SYT10: variants seen among roughly 807,000 people sequenced by gnomAD.
The protein encoded by SYT10 is synaptotagmin 10, also known as synaptotagmin-10.
A neutral mutation model predicts 51.1 loss-of-function variants in SYT10; 31 were observed. The ratio of observed to expected loss-of-function variants is 0.61; its 90% CI spans 0.46 to 0.82. The LOEUF (loss-of-function observed/expected upper bound fraction) is 0.82, where lower values mean the gene tolerates loss of function less well. SYT10 is among the 40% of genes least tolerant of loss of function. SYT10 has a pLI of 0.00. For missense variants in SYT10, 603 were observed against 634.0 expected (o/e 0.95, Z 0.53); for synonymous variants, 233 against 225.9 (o/e 1.03, Z -0.28).
At position 33,385,286 on chromosome 12, in the gene SYT10, AC is replaced by A; in HGVS notation, c.1082del (p.Ser361IlefsTer2). The A allele has an allele frequency of 6.2e-7, 1 of 1,612,698 alleles. No individual in the cohort carries two copies. Among genetic ancestry groups the A allele is most frequent in the Non-Finnish European group, 8.5e-7 (1 of 1,179,402 alleles). The stretch of plus-strand genomic sequence containing the variant: ...AAAACATGATTTCACCCAGGTCTAT[AC>A]TTTCCTAGAAAGGCAATCGGCATGT... The part of the protein sequence containing the change: ...WKDIHCATTE[S>X]IDLGEIMFSL... On this transcript the variant is annotated frameshift_variant, in exon 4 of 7. Transcript: ENST00000228567. LOFTEE classifies it high-confidence loss of function.
intron 4 of SYT10, among the ~76,000 whole-genome samples, chr12:33,384,818 A>C (rs1866143537): frequency 1.3e-5 from 2 of 152,220 alleles, no homozygotes; most frequent in East Asian, 3.8e-4. Flanking sequence ...ACATATCTTC[A>C]CATGGCCTCA....
At chr12:33,396,440 A>G (rs1468369961) in intron 3 of SYT10, among the ~76,000 whole-genome samples, 1 of 152,200 alleles carries the variant, frequency 6.6e-6, no homozygotes, top group Non-Finnish European at 1.5e-5. Context: ...CTGTTAATAA[A>G]AGAGTAATTT....
At chr12:33,394,456 G>A (rs1182955423) in intron 3 of SYT10, among the ~76,000 whole-genome samples, 1 of 152,160 alleles carries the variant, frequency 6.6e-6, no homozygotes, top group Admixed American at 6.5e-5. Context: ...AGAACTTTAG[G>A]ACATGGAAGT....
rs780107776 is a variant in SYT10, at chr12:33,406,959, GA to G, written c.906del (p.Pro303LeufsTer2). 6.2e-7 allele frequency: 1 copy of G among 1,614,040 alleles called. No homozygotes were observed. Among genetic ancestry groups the G allele is most frequent in the Non-Finnish European group, 8.5e-7 (1 of 1,180,004 alleles). On this transcript the variant is annotated frameshift_variant, in exon 3 of 7. Coordinates refer to ENST00000228567, the MANE Select transcript of SYT10 (RefSeq NM_198992.4). LOFTEE classifies it high-confidence loss of function. ...LNPLFDETFQ[F>X]PVAYDQLSNR... ...TTGCTTAGTTGATCATATGCTACAG[GA>G]AATTGAAAAGTTTCATCAAATAGAG...
At chr12:33,415,532 G>C (rs939792011) in intron 2 of SYT10, among the ~76,000 whole-genome samples, 8 of 152,060 alleles carry the variant, frequency 5.3e-5, no homozygotes, top group African/African-American at 1.9e-4. Flanking sequence ...ATTAACCTTA[G>C]ATATTGCTTA....
At chr12:33,419,778 A>G (rs1276015634) in intron 2 of SYT10, among the ~76,000 whole-genome samples, 1 of 152,216 alleles carries the variant, frequency 6.6e-6, no homozygotes, top group Non-Finnish European at 1.5e-5. Context: ...AGCTTGGAAA[A>G]TACTTCTTCA....
chr12:33,381,824 T>C (rs1369176463), intron 5 of SYT10, among the ~76,000 whole-genome samples: 1 of 152,186 alleles, frequency 6.6e-6, no homozygotes, highest in Non-Finnish European at 1.5e-5. Flanking sequence ...TGCTTTAAGA[T>C]TGATGTGAAG....
At chr12:33,439,127 G>A (rs1278528353) in intron 1 of SYT10, among the ~76,000 whole-genome samples, 2 of 152,242 alleles carry the variant, frequency 1.3e-5, no homozygotes, top group African/African-American at 4.8e-5. Context: ...GGGAGACGGC[G>A]CCGGGAGGCG....
chr12:33,412,605 C>T (rs541740903), intron 2 of SYT10, among the ~76,000 whole-genome samples: 13 of 152,158 alleles, frequency 8.5e-5, no homozygotes, highest in African/African-American at 3.1e-4. Flanking sequence ...TACTTTTGCA[C>T]CAACCTGCAG....
chr12:33,439,595 C>G lies in SYT10; in HGVS notation c.-73G>C. The G allele has an allele frequency of 6.5e-7, 1 of 1,542,004 alleles. No individual in the cohort carries two copies. Among genetic ancestry groups the G allele is most frequent in the South Asian group, 1.2e-5 (1 of 81,866 alleles). On this transcript the variant is annotated 5_prime_UTR_variant, in exon 1 of 7. Coordinates refer to ENST00000228567, the MANE Select transcript of SYT10 (RefSeq NM_198992.4). Reference sequence around the variant, plus strand: ...TTTCCTCTTCCCGTACCTCTAACCCCTCTGGCGCCCTAAGCCATAGTCCGC... The same window carrying G: ...TTTCCTCTTCCCGTACCTCTAACCCGTCTGGCGCCCTAAGCCATAGTCCGC...
At position 33,406,899 on chromosome 12, in the gene SYT10, TG is replaced by T. The variant is rs758611055; in HGVS notation, c.966del (p.Asp322GlufsTer8). The T allele has an allele frequency of 6.2e-7, 1 of 1,614,118 alleles. No homozygotes were observed. The highest frequency in any genetic ancestry group is 1.1e-5 in the South Asian group (1 of 91,082). ...CCAATCATGTCATGTCTAGAAAATCTGTCAAAATCATACACACTGAAATGTA... is the reference window on the plus strand; with the variant it reads ...CCAATCATGTCATGTCTAGAAAATCTTCAAAATCATACACACTGAAATGTA... ...RKLHFSVYDF[D>X]RFSRHDMIGE... is the part of the protein sequence containing the mutation. On this transcript the variant is annotated frameshift_variant, in exon 3 of 7. Coordinates refer to ENST00000228567, the MANE Select transcript of SYT10 (RefSeq NM_198992.4). LOFTEE classifies it high-confidence loss of function.
At chr12:33,408,720 A>G (rs1277980420) in intron 2 of SYT10, among the ~76,000 whole-genome samples, 1 of 152,194 alleles carries the variant, frequency 6.6e-6, no homozygotes, top group African/African-American at 2.4e-5. Flanking sequence ...GAAGATTTCT[A>G]AACAGATGTC....
intron 2 of SYT10, among the ~76,000 whole-genome samples, chr12:33,410,182 A>G (rs1470714244): frequency 6.6e-6 from 1 of 152,216 alleles, no homozygotes; most frequent in Non-Finnish European, 1.5e-5. Flanking sequence ...TTCATTCTAT[A>G]GTCCTTCAGT....
intron 2 of SYT10, among the ~76,000 whole-genome samples, chr12:33,417,071 T>A (rs554725864): frequency 6.6e-6 from 1 of 152,252 alleles, no homozygotes; most frequent in African/African-American, 2.4e-5. Context: ...TAATTAAAAC[T>A]GAGAAGAGGA....
At chr12:33,382,328 T>C (rs1866122178) in intron 5 of SYT10, 21 bp downstream of exon 5, 1 of 1,529,954 alleles carries the variant, frequency 6.5e-7, no homozygotes, top group South Asian at 1.3e-5. Flanking sequence ...TGCTCTTCAG[T>C]GAGAAGAGAG....
chr12:33,410,791 T>C (rs543672057), intron 2 of SYT10, among the ~76,000 whole-genome samples: 3 of 152,044 alleles, frequency 2.0e-5, no homozygotes, highest in African/African-American at 7.2e-5. Flanking sequence ...AAAAAAATAA[T>C]GTCAAATACA....
In SYT10 at chr12:33,439,644, T is replaced by C; in HGVS notation, c.-122A>G. On this transcript the variant is annotated 5_prime_UTR_variant, in exon 1 of 7. Coordinates refer to ENST00000228567, the MANE Select transcript of SYT10 (RefSeq NM_198992.4). ...GCCCGCGGTGACTTTGGCTGGAGAT[T>C]GCGCCGCTGAGAGCCGGCAACTCTT... 1.6e-6 allele frequency: 2 copies of C among 1,259,518 alleles called. No homozygotes were observed. The highest frequency in any genetic ancestry group is 2.3e-5 in the Admixed American group (1 of 42,658). 78.0% of individuals were successfully genotyped at this position (1,259,518 alleles called of 1,614,324 possible).
chr12:33,406,767 T>C, intron 3 of SYT10, 22 bp downstream of exon 3: 4 of 1,556,414 alleles, frequency 2.6e-6, no homozygotes, highest in Non-Finnish European at 3.5e-6. Context: ...AAAAACAATA[T>C]ATTGGTGGAA....
intron 3 of SYT10, among the ~76,000 whole-genome samples, chr12:33,400,410 A>G (rs1245664479): frequency 6.6e-6 from 1 of 152,218 alleles, no homozygotes; most frequent in East Asian, 1.9e-4. Context: ...TGAATACAAC[A>G]GTTCCTTTGT....
Sources: allele counts gnomAD v4.1 joint callset (sites outside exome capture counted in the v4.1 genomes callset), GRCh38; gene constraint gnomAD v4.1.1; transcripts MANE v1.5; gene names NCBI Gene and HGNC (gene_info 2026-07-23, HGNC 2026-07-21).